Variants in SPOCK1 observed in about 807,000 individuals in gnomAD.
SPOCK1 encodes testican-1.
A neutral mutation model predicts 55.3 loss-of-function variants in SPOCK1; 23 were observed. That is an observed-to-expected ratio of 0.42 (90% confidence interval 0.30 to 0.59). SPOCK1 has a LOEUF of 0.59. Ranked by LOEUF, SPOCK1 falls within the 20% of genes least tolerant of loss-of-function variation. The pLI, the probability that SPOCK1 is intolerant of heterozygous loss-of-function variation, is 0.22. For missense variants in SPOCK1, 499 were observed against 552.5 expected (o/e 0.90, Z 0.97); for synonymous variants, 226 against 221.0 (o/e 1.02, Z -0.20).
chr5:137,329,084 G>C (rs1027337613), intron 2 of SPOCK1, among the ~76,000 whole-genome samples: 1 of 152,144 alleles, frequency 6.6e-6, no homozygotes, highest in Non-Finnish European at 1.5e-5. Flanking sequence ...AGTGGACTGA[G>C]TAAAGTGGAC....
chr5:136,991,286 A>C (rs1444457082), intron 7 of SPOCK1, among the ~76,000 whole-genome samples: 1 of 152,078 alleles, frequency 6.6e-6, no homozygotes, highest in Non-Finnish European at 1.5e-5. Context: ...CAACAGACCC[A>C]ACCACCAAGA....
At chr5:137,099,467 TAA>T (rs1753217843) in intron 5 of SPOCK1, among the ~76,000 whole-genome samples, 1 of 152,146 alleles carries the variant, frequency 6.6e-6, no homozygotes, top group Admixed American at 6.6e-5. Context: ...TTCTCTGTTA[TAA>T]AAGTTTCACC....
intron 3 of SPOCK1, among the ~76,000 whole-genome samples, chr5:137,205,360 G>C (rs1277463120): frequency 6.6e-6 from 1 of 152,254 alleles, no homozygotes; most frequent in Non-Finnish European, 1.5e-5. Context: ...CTAAAGAGCT[G>C]TGTGCCCTGT....
chr5:137,485,978 G>A (rs556905586), intron 2 of SPOCK1, among the ~76,000 whole-genome samples: 4 of 152,222 alleles, frequency 2.6e-5, no homozygotes, highest in Non-Finnish European at 5.9e-5. Context: ...GTGCACCTTC[G>A]ATCTCTGTAT....
intron 2 of SPOCK1, among the ~76,000 whole-genome samples, chr5:137,348,540 G>T (rs1186354230): frequency 2.6e-5 from 4 of 152,058 alleles, no homozygotes; most frequent in African/African-American, 9.7e-5. Context: ...TGAAAGATTT[G>T]CATGTGCTTT....
At chr5:137,234,506 T>A (rs944080022) in intron 3 of SPOCK1, among the ~76,000 whole-genome samples, 1 of 152,222 alleles carries the variant, frequency 6.6e-6, no homozygotes, top group Non-Finnish European at 1.5e-5. Flanking sequence ...TTTATTATCA[T>A]ATTTAACAGA....
chr5:137,181,432 T>A (rs986928852), intron 3 of SPOCK1, among the ~76,000 whole-genome samples: 13 of 152,174 alleles, frequency 8.5e-5, no homozygotes, highest in African/African-American at 2.9e-4. Context: ...GAAGCACCAA[T>A]CAACAGGGGG....
chr5:137,177,972 G>A (rs1054544069), intron 3 of SPOCK1, among the ~76,000 whole-genome samples: 3 of 152,174 alleles, frequency 2.0e-5, no homozygotes, highest in Non-Finnish European at 2.9e-5. Flanking sequence ...AGGACCTCAA[G>A]GACCACATGT....
At chr5:137,498,641 G>A (rs990075501) in intron 1 of SPOCK1, 83 bp from the exon 2 acceptor site, 40 of 1,146,112 alleles carry the variant, frequency 3.5e-5, no homozygotes, top group Non-Finnish European at 4.3e-5. Context: ...CAGCGCCCCA[G>A]CCCGGAGGCG....
At chr5:136,987,991 A>G (rs1750876075) in intron 8 of SPOCK1, among the ~76,000 whole-genome samples, 1 of 152,202 alleles carries the variant, frequency 6.6e-6, no homozygotes, top group South Asian at 2.1e-4. Flanking sequence ...CTTGTCTAGG[A>G]CACTTAGTAT....
intron 2 of SPOCK1, among the ~76,000 whole-genome samples, chr5:137,407,468 G>T (rs1229467838): frequency 3.3e-5 from 5 of 152,118 alleles, no homozygotes; most frequent in African/African-American, 9.7e-5. Flanking sequence ...GTACCTGAGA[G>T]GGGGGAGTGG....
At chr5:137,421,214 C>T (rs1752484934) in intron 2 of SPOCK1, among the ~76,000 whole-genome samples, 1 of 152,124 alleles carries the variant, frequency 6.6e-6, no homozygotes, top group Admixed American at 6.5e-5. Flanking sequence ...GTTTTACTTC[C>T]AACTATGTGG....
intron 2 of SPOCK1, among the ~76,000 whole-genome samples, chr5:137,447,319 C>T (rs1329532591): frequency 6.6e-6 from 1 of 152,176 alleles, no homozygotes; most frequent in Non-Finnish European, 1.5e-5. Flanking sequence ...AAAGGACTGT[C>T]GTGTGTGCTA....
chr5:137,194,906 C>T (rs1755268930), intron 3 of SPOCK1, among the ~76,000 whole-genome samples: 2 of 152,216 alleles, frequency 1.3e-5, no homozygotes, highest in Admixed American at 6.5e-5. Flanking sequence ...CACAGTACCA[C>T]AAAGGACCCT....
intron 2 of SPOCK1, among the ~76,000 whole-genome samples, chr5:137,380,543 A>G (rs1345873139): frequency 6.6e-6 from 1 of 152,234 alleles, no homozygotes; most frequent in African/African-American, 2.4e-5. Flanking sequence ...TGGGCTTAAC[A>G]GGAAACATGA....
chr5:137,419,642 G>C (rs907765514), intron 2 of SPOCK1, among the ~76,000 whole-genome samples: 6 of 152,070 alleles, frequency 3.9e-5, no homozygotes, highest in African/African-American at 9.7e-5. Context: ...GATTTTTGCA[G>C]ACTGATTTTG....
At chr5:137,089,609 A>C (rs541156687) in intron 5 of SPOCK1, among the ~76,000 whole-genome samples, 3 of 152,302 alleles carry the variant, frequency 2.0e-5, no homozygotes, top group Non-Finnish European at 4.4e-5. Flanking sequence ...GAGGTCATCA[A>C]GAGGCTGCTG....
chr5:137,325,184 A>G (rs966302053), intron 2 of SPOCK1, among the ~76,000 whole-genome samples: 1 of 152,224 alleles, frequency 6.6e-6, no homozygotes, highest in African/African-American at 2.4e-5. Flanking sequence ...TGTAATTCAA[A>G]ATAGTGAAAA....
At chr5:137,285,936 A>G (rs1757255674) in intron 2 of SPOCK1, among the ~76,000 whole-genome samples, 1 of 152,162 alleles carries the variant, frequency 6.6e-6, no homozygotes, top group Non-Finnish European at 1.5e-5. Context: ...TAGGCCATAT[A>G]CAGACTCTGT....
Sources: gnomAD v4.1 joint callset for allele counts (sites outside exome capture counted in the v4.1 genomes callset) on GRCh38, gnomAD v4.1.1 for gene constraint, MANE v1.5 for transcripts, NCBI Gene and HGNC (gene_info 2026-07-23, HGNC 2026-07-21) for gene names.